Variants in RAB3GAP1 observed in about 807,000 individuals in gnomAD.
RAB3GAP1 encodes RAB3 GTPase activating protein catalytic subunit 1, also known as rab3 GTPase-activating protein catalytic subunit.
In RAB3GAP1, 86 loss-of-function variants were observed where a neutral mutation model predicts 130.7. That is an observed-to-expected ratio of 0.66 (90% confidence interval 0.55 to 0.79). RAB3GAP1 has a LOEUF of 0.79. Ranked by LOEUF, RAB3GAP1 falls within the 30% of genes least tolerant of loss-of-function variation. The pLI, the probability that RAB3GAP1 is intolerant of heterozygous loss-of-function variation, is 0.00. For synonymous variants in RAB3GAP1, 367 were observed against 401.7 expected, an observed-to-expected ratio of 0.91 and a Z score of 1.03; for missense variants, 1,029 against 1,169.4, an observed-to-expected ratio of 0.88 and a Z score of 1.75.
downstream of RAB3GAP1, among the ~76,000 whole-genome samples, chr2:135,172,969 C>T (rs962012641): frequency 6.6e-6 from 1 of 152,106 alleles, no homozygotes; most frequent in African/African-American, 2.4e-5. Flanking sequence ...GAGAGGCCCA[C>T]ATGGTGCGGA....
chr2:135,118,919 C>G (rs1479525842), intron 7 of RAB3GAP1, among the ~76,000 whole-genome samples: 2 of 152,150 alleles, frequency 1.3e-5, no homozygotes, highest in African/African-American at 2.4e-5. Context: ...GAGAATCTTG[C>G]AATGCCCTCA....
intron 22 of RAB3GAP1, among the ~76,000 whole-genome samples, chr2:135,163,850 A>G (rs866108367): frequency 6.6e-6 from 1 of 152,226 alleles, no homozygotes; most frequent in South Asian, 2.1e-4. Context: ...ATGGCAAGGC[A>G]TTTGCTGTCT....
At chr2:135,118,403 A>T (rs1466592360) in intron 7 of RAB3GAP1, among the ~76,000 whole-genome samples, 2 of 152,210 alleles carry the variant, frequency 1.3e-5, no homozygotes, top group Non-Finnish European at 1.5e-5. Context: ...TTGGGTTCTT[A>T]AGTTTAATCC....
intron 19 of RAB3GAP1, among the ~76,000 whole-genome samples, chr2:135,155,915 C>T (rs373996879): frequency 4.0e-5 from 6 of 151,582 alleles, no homozygotes; most frequent in African/African-American, 1.5e-4. Flanking sequence ...TTAAAATCAA[C>T]AAAATAGAGA....
At chr2:135,116,080 G>A (rs1443094104) in intron 7 of RAB3GAP1, among the ~76,000 whole-genome samples, 1 of 152,046 alleles carries the variant, frequency 6.6e-6, no homozygotes, top group Non-Finnish European at 1.5e-5. Context: ...TAGGTTATTA[G>A]GATGCTGATT....
rs1433718055 is a variant in RAB3GAP1, at chr2:135,168,563, C to G, written c.2728C>G (p.Pro910Ala). 4 of 1,614,092 alleles carry G rather than the reference C, an allele frequency of 2.5e-6. No individual in the cohort carries two copies. The highest frequency in any genetic ancestry group is 3.4e-6 in the Non-Finnish European group (4 of 1,179,974). The change falls in exon 24 of 24, where the codon CCA becomes GCA. Residue 910 changes from proline to alanine, a missense_variant. Physicochemically the swap from Pro to Ala is conservative, Grantham distance 27. Around this residue, in one of 3 missense-constraint regions of RAB3GAP1, gnomAD observed 146 missense variants for 143.7 expected, o/e 1.02. Coordinates refer to ENST00000264158, the MANE Select transcript of RAB3GAP1 (RefSeq NM_012233.3). The part of the protein sequence containing the change: ...NAQRAAAMTP[P>A]EEELKRMGSP... ...TTTCCAGGCTGCAGCTATGACTCCA[C>G]CAGAGGAGGAATTGAAGAGAATGGG...
intron 11 of RAB3GAP1, among the ~76,000 whole-genome samples, chr2:135,127,569 C>T (rs540611902): frequency 1.3e-5 from 2 of 152,002 alleles, no homozygotes; most frequent in Admixed American, 6.6e-5. Flanking sequence ...GTCTCGATCT[C>T]CTGACCTCAT....
At chr2:135,058,325 A>C (rs773937359) in intron 3 of RAB3GAP1, 2 of 296,966 alleles carry the variant, frequency 6.7e-6, no homozygotes, top group Non-Finnish European at 6.1e-6. Context: ...ATATATATAT[A>C]AAATGTCATT....
chr2:135,129,181 G>A (rs868306628), intron 11 of RAB3GAP1, among the ~76,000 whole-genome samples: 11 of 151,056 alleles, frequency 7.3e-5, no homozygotes, highest in South Asian at 4.2e-4. Flanking sequence ...GGCCGGGCGC[G>A]GTGACTCACA....
chr2:135,133,698 C>A (rs1408599146), intron 14 of RAB3GAP1, among the ~76,000 whole-genome samples, 163 bp from the exon 15 acceptor site: 1 of 152,000 alleles, frequency 6.6e-6, no homozygotes, highest in Non-Finnish European at 1.5e-5. Context: ...TGTGGGACTT[C>A]CTAAGAATAG....
chr2:135,123,933 C>A, intron 8 of RAB3GAP1: 1 of 502,676 alleles, frequency 2.0e-6, no homozygotes, highest in Non-Finnish European at 3.6e-6. Context: ...GAATACCTGG[C>A]CTGAATGAAA....
At chr2:135,112,379 A>G (rs1690829534) in intron 5 of RAB3GAP1, among the ~76,000 whole-genome samples, 1 of 152,250 alleles carries the variant, frequency 6.6e-6, no homozygotes, top group Admixed American at 6.5e-5. Flanking sequence ...ACCCATGTGT[A>G]AACCTGCCTG....
chr2:135,139,664 C>T (rs1326699116), intron 17 of RAB3GAP1, among the ~76,000 whole-genome samples: 1 of 151,974 alleles, frequency 6.6e-6, no homozygotes, highest in African/African-American at 2.4e-5. Flanking sequence ...TTCCCATCAT[C>T]CTAGAACAGT....
chr2:135,080,671 G>A (rs1689768232), intron 3 of RAB3GAP1, among the ~76,000 whole-genome samples: 1 of 152,102 alleles, frequency 6.6e-6, no homozygotes, highest in African/African-American at 2.4e-5. Flanking sequence ...TTAACAGTTG[G>A]CTGTGTCCCC....
chr2:135,153,714 AGAG>A lies in RAB3GAP1; in HGVS notation c.2132_2134del (p.Glu711del). The A allele has an allele frequency of 1.2e-6, 2 of 1,614,028 alleles. No individual in the cohort carries two copies. On this transcript the variant is annotated inframe_deletion, in exon 19 of 24. Transcript: ENST00000264158. ...GGTATTCACCCCGGGATTATATTGA[AGAG>A]GAGGTGATTGATGAAAAGGGCAATG... is the stretch of plus-strand genomic sequence containing the variant.
chr2:135,065,870 G>A (rs903602120), intron 3 of RAB3GAP1, among the ~76,000 whole-genome samples: 2 of 149,346 alleles, frequency 1.3e-5, no homozygotes, highest in Admixed American at 6.8e-5. Flanking sequence ...TCCCAGGTTC[G>A]AGTGATTCTC....
At chr2:135,168,502 G>T in intron 23 of RAB3GAP1, 43 bp from the exon 24 acceptor site, 1 of 1,485,750 alleles carries the variant, frequency 6.7e-7, no homozygotes, top group Admixed American at 1.7e-5. Context: ...TCTGAGTTTA[G>T]CATTTGACCT....
chr2:135,164,870 A>T (rs1487439529), intron 23 of RAB3GAP1, among the ~76,000 whole-genome samples, 174 bp downstream of exon 23: 3 of 152,178 alleles, frequency 2.0e-5, no homozygotes, highest in East Asian at 1.9e-4. Context: ...AATCCATTTG[A>T]TTTCTTACAT....
intron 17 of RAB3GAP1, among the ~76,000 whole-genome samples, chr2:135,143,733 ATTT>A (rs950271695): frequency 6.6e-5 from 10 of 151,442 alleles, no homozygotes; most frequent in Non-Finnish European, 1.5e-4. Context: ...AATTTTTTGT[ATTT>A]TTAGTAGAGA....
Sources: allele counts gnomAD v4.1 joint callset (sites outside exome capture counted in the v4.1 genomes callset), GRCh38; gene constraint gnomAD v4.1.1; regional missense constraint gnomAD v4.1.1; transcripts MANE v1.5; gene names NCBI Gene and HGNC (gene_info 2026-07-23, HGNC 2026-07-21).